Variants in NAALADL2 observed in about 807,000 individuals in gnomAD.
NAALADL2 encodes the protein inactive N-acetylated-alpha-linked acidic dipeptidase-like protein 2.
Under a neutral mutation model 87.2 loss-of-function variants are expected in NAALADL2, and 76 were observed. The observed-to-expected ratio is 0.87, with a 90% CI of 0.72 to 1.05. The LOEUF is 1.05. Among genes scored for constraint, NAALADL2 ranks in the 50% least tolerant of loss-of-function variants. The pLI is 0.00. For missense variants in NAALADL2, 1,089 were observed against 945.8 expected, an observed-to-expected ratio of 1.15 and a Z score of -1.99; for synonymous variants, 354 against 331.0, an observed-to-expected ratio of 1.07 and a Z score of -0.75.
At chr3:174,733,499 G>T (rs1048309843) in intron 2 of NAALADL2, among the ~76,000 whole-genome samples, 1 of 152,238 alleles carries the variant, frequency 6.6e-6, no homozygotes, top group Admixed American at 6.5e-5. Flanking sequence ...AATCCAGTTA[G>T]GTGCCAAGAG....
chr3:174,956,624 T>G (rs940012849), intron 1 of NAALADL2, among the ~76,000 whole-genome samples: 2 of 152,110 alleles, frequency 1.3e-5, no homozygotes, highest in Non-Finnish European at 2.9e-5. Context: ...AGGCTTTATG[T>G]ATAATCCATA....
At chr3:175,094,155 G>A (rs1249184772) in intron 1 of NAALADL2, among the ~76,000 whole-genome samples, 2 of 151,784 alleles carry the variant, frequency 1.3e-5, no homozygotes, top group Admixed American at 6.6e-5. Context: ...GAGAGACTCT[G>A]ATTCATTAAA....
intron 2 of NAALADL2, among the ~76,000 whole-genome samples, chr3:175,128,639 C>G (rs1727330025): frequency 6.6e-6 from 1 of 151,990 alleles, no homozygotes; most frequent in African/African-American, 2.4e-5. Flanking sequence ...AATGTATTTT[C>G]AATATCAAGA....
At chr3:174,979,646 T>C (rs1744861075) in intron 1 of NAALADL2, among the ~76,000 whole-genome samples, 1 of 152,120 alleles carries the variant, frequency 6.6e-6, no homozygotes, top group Admixed American at 6.5e-5. Flanking sequence ...TTTCTAATTA[T>C]CTAAAATACA....
At chr3:175,111,355 C>T (rs935410029) in intron 2 of NAALADL2, among the ~76,000 whole-genome samples, 1 of 151,646 alleles carries the variant, frequency 6.6e-6, no homozygotes, top group Admixed American at 6.6e-5. Flanking sequence ...AAGCTGTACA[C>T]TCAGTGTTTA....
intron 2 of NAALADL2, among the ~76,000 whole-genome samples, chr3:174,604,783 T>C (rs1718824939): frequency 6.6e-6 from 1 of 152,024 alleles, no homozygotes; most frequent in South Asian, 2.1e-4. Flanking sequence ...TTCTTTTTTT[T>C]TTTGAGATGG....
chr3:174,958,134 CTTTT>C (rs34174348), intron 1 of NAALADL2, among the ~76,000 whole-genome samples: 3 of 147,492 alleles, frequency 2.0e-5, no homozygotes, highest in Non-Finnish European at 3.0e-5. Context: ...AATATCCAGA[CTTTT>C]TTTTTTTCAG....
At chr3:174,990,861 T>C (rs1427928042) in intron 1 of NAALADL2, among the ~76,000 whole-genome samples, 2 of 152,108 alleles carry the variant, frequency 1.3e-5, no homozygotes, top group African/African-American at 4.8e-5. Flanking sequence ...TGTTGACCTC[T>C]CTACAAGTGA....
intron 5 of NAALADL2, among the ~76,000 whole-genome samples, chr3:175,439,680 A>G (rs115372346): frequency 0.015 from 1,913 of 131,350 alleles, 47 homozygotes; most frequent in African/African-American, 0.052. Context: ...CTACTTTTTG[A>G]TGGGATTGTT....
chr3:174,798,467 C>T (rs780781598), intron 3 of NAALADL2, among the ~76,000 whole-genome samples: 3 of 152,116 alleles, frequency 2.0e-5, no homozygotes, highest in Non-Finnish European at 4.4e-5. Context: ...CTGCAAAAAA[C>T]GGGCAGCTTG....
chr3:175,387,316 A>G lies in NAALADL2; in HGVS notation c.1091-59913A>G, dbSNP rs114003040. Among the ~76,000 whole-genome samples the G allele has an allele frequency of 4.8e-3, 726 of 152,248 alleles. 6 individuals carry two copies. The highest frequency in any genetic ancestry group is 0.015 in the African/African-American group (623 of 41,566). On this transcript the variant is annotated intron_variant, in intron 5 of 13. Transcript: ENST00000454872. ...TTTCATAAGAGTATTACAAAATTAA[A>G]GTGTTTTATTTTTATCATTCCTTCT...
chr3:175,776,119 A>G (rs1750200016), intron 13 of NAALADL2: 1 of 151,910 alleles, frequency 6.6e-6, no homozygotes. Context: ...TCTCACCTTC[A>G]TTTCTACACA....
chr3:175,148,097 A>G (rs959282631), intron 2 of NAALADL2, among the ~76,000 whole-genome samples: 3 of 135,396 alleles, frequency 2.2e-5, no homozygotes, highest in Non-Finnish European at 4.5e-5. Flanking sequence ...TAATGATAAT[A>G]ATAATAATAA....
At chr3:175,277,978 TCA>T (rs748872945) in intron 4 of NAALADL2, among the ~76,000 whole-genome samples, 13 of 152,098 alleles carry the variant, frequency 8.5e-5, no homozygotes, top group Admixed American at 2.0e-4. Flanking sequence ...AATAAATATC[TCA>T]GTTTATAATT....
intron 3 of NAALADL2, among the ~76,000 whole-genome samples, chr3:174,850,112 G>A (rs537324426): frequency 4.6e-5 from 7 of 151,956 alleles, no homozygotes; most frequent in Non-Finnish European, 8.8e-5. Flanking sequence ...CTCAGCTTTT[G>A]TTTGTCTGGG....
intron 1 of NAALADL2, among the ~76,000 whole-genome samples, chr3:174,888,084 T>C (rs1337587579): frequency 1.3e-5 from 2 of 152,080 alleles, no homozygotes; most frequent in African/African-American, 2.4e-5. Flanking sequence ...TTCTAAATGA[T>C]GAAATAAGCC....
intron 5 of NAALADL2, among the ~76,000 whole-genome samples, chr3:175,414,226 A>G (rs1387998143): frequency 6.6e-6 from 1 of 152,134 alleles, no homozygotes; most frequent in African/African-American, 2.4e-5. Context: ...CATAGATTTT[A>G]TTTGTGTTTC....
intron 9 of NAALADL2, among the ~76,000 whole-genome samples, chr3:175,547,314 GA>G (rs1167007607): frequency 6.6e-6 from 1 of 152,092 alleles, no homozygotes; most frequent in East Asian, 1.9e-4. Context: ...AAGCAATGGG[GA>G]AAGGACTCCC....
chr3:175,663,830 G>T (rs1379361734), intron 11 of NAALADL2, among the ~76,000 whole-genome samples: 2 of 151,818 alleles, frequency 1.3e-5, no homozygotes, highest in East Asian at 1.9e-4. Flanking sequence ...TAATATTAAA[G>T]AATACGTAAT....
Sources: allele counts gnomAD v4.1 joint callset (sites outside exome capture counted in the v4.1 genomes callset), GRCh38; gene constraint gnomAD v4.1.1; transcripts MANE v1.5; gene names NCBI Gene and HGNC (gene_info 2026-07-23, HGNC 2026-07-21).